DACH2: variants seen among roughly 807,000 people sequenced by gnomAD.
DACH2 encodes dachshund family transcription factor 2.
A neutral mutation model predicts 35.8 loss-of-function variants in DACH2; 17 were observed. That is an observed-to-expected ratio of 0.48 (90% CI 0.33 to 0.71). The LOEUF is 0.71. Among genes scored for constraint, DACH2 ranks in the 30% least tolerant of loss-of-function variants. The pLI is 0.02. For missense variants in DACH2, 469 were observed against 472.7 expected (o/e 0.99, Z 0.07); for synonymous variants, 195 against 177.3 (o/e 1.10, Z -0.79).
chrX:86,478,078 T>C (rs2037876262), intron 2 of DACH2, among the ~76,000 whole-genome samples: 1 of 112,022 alleles, frequency 8.9e-6, no homozygotes, highest in Admixed American at 9.5e-5. Flanking sequence ...GAAAAGTTTT[T>C]GTAGTTGTTA....
intron 1 of DACH2, among the ~76,000 whole-genome samples, chrX:86,159,093 C>T (rs759826186): frequency 2.3e-4 from 25 of 111,046 alleles, no homozygotes; most frequent in African/African-American, 3.3e-4. Context: ...ATGAGACACA[C>T]GTTTTTGTTA....
chrX:86,637,238 A>C, intron 3 of DACH2, among the ~76,000 whole-genome samples: 1 of 91,258 alleles, frequency 1.1e-5, no homozygotes, highest in African/African-American at 4.1e-5. Context: ...AAAAAAAAAA[A>C]AAAAAAAACA....
intron 1 of DACH2, among the ~76,000 whole-genome samples, chrX:86,194,746 G>T (rs1216806182): frequency 8.9e-6 from 1 of 112,604 alleles, no homozygotes; most frequent in Non-Finnish European, 1.9e-5. Context: ...TTTGGCGCAG[G>T]AGTGTCTGTA....
intron 1 of DACH2, among the ~76,000 whole-genome samples, chrX:86,253,384 T>C (rs1213347352): frequency 9.0e-6 from 1 of 111,718 alleles, no homozygotes; most frequent in Non-Finnish European, 1.9e-5. Flanking sequence ...GCATTTCCCG[T>C]TGACAATCTT....
intron 1 of DACH2, among the ~76,000 whole-genome samples, chrX:86,275,721 C>A (rs1397600654): frequency 8.9e-6 from 1 of 111,875 alleles, no homozygotes; most frequent in Non-Finnish European, 1.9e-5. Context: ...TTCCTGGCAT[C>A]TGGAAACCAT....
At chrX:86,245,209 G>A (rs1343768454) in intron 1 of DACH2, among the ~76,000 whole-genome samples, 1 of 111,455 alleles carries the variant, frequency 9.0e-6, no homozygotes, top group East Asian at 2.8e-4. Context: ...GTTCCTGCTG[G>A]CAGTAATGTA....
intron 1 of DACH2, among the ~76,000 whole-genome samples, chrX:86,217,129 G>A (rs1314043426): frequency 1.9e-5 from 2 of 108,062 alleles, no homozygotes; most frequent in East Asian, 2.9e-4. Flanking sequence ...AGAAACAGAA[G>A]TGTTATATAG....
chrX:86,281,535 G>A (rs188289374), intron 1 of DACH2, among the ~76,000 whole-genome samples: 49 of 111,637 alleles, frequency 4.4e-4, no homozygotes, highest in African/African-American at 1.4e-3. Context: ...CAAACCCACA[G>A]CCAGTATCGT....
intron 2 of DACH2, among the ~76,000 whole-genome samples, chrX:86,509,499 T>C (rs2038368385): frequency 8.9e-6 from 1 of 111,780 alleles, no homozygotes; most frequent in South Asian, 3.8e-4. Context: ...TTCAATCCAG[T>C]GCAATAGTTA....
At chrX:86,411,509 A>G (rs1380994678) in intron 2 of DACH2, among the ~76,000 whole-genome samples, 1 of 110,875 alleles carries the variant, frequency 9.0e-6, no homozygotes, top group African/African-American at 3.3e-5. Flanking sequence ...GACAATAATG[A>G]GGTCATAATT....
intron 7 of DACH2, among the ~76,000 whole-genome samples, chrX:86,745,233 A>G (rs1686624931): frequency 9.0e-6 from 1 of 111,587 alleles, no homozygotes; most frequent in Non-Finnish European, 1.9e-5. Flanking sequence ...AGTATATATT[A>G]TATTTTACCT....
chrX:86,205,951 G>A lies in DACH2; in HGVS notation c.488+56843G>A, dbSNP rs1016291729. On this transcript the variant is annotated intron_variant, in intron 1 of 11. Coordinates refer to ENST00000373125, the MANE Select transcript of DACH2 (RefSeq NM_053281.3). ...CCTACTCCAAATCAATAGCTTTCAT[G>A]TTTTACAAAGTACTTTGATACATAT... is the stretch of plus-strand genomic sequence containing the variant. Among the ~76,000 whole-genome samples, 3 of 111,515 alleles carry A rather than the reference G, an allele frequency of 2.7e-5. No homozygotes were observed. In the Admixed American group the frequency reaches 2.9e-4, roughly 11 times the overall value.
At chrX:86,231,648 C>T (rs889239967) in intron 1 of DACH2, among the ~76,000 whole-genome samples, 1 of 112,108 alleles carries the variant, frequency 8.9e-6, no homozygotes, top group Non-Finnish European at 1.9e-5. Context: ...TAAAAACTTG[C>T]CCGAGGCTTT....
At chrX:86,378,841 A>G in intron 2 of DACH2, among the ~76,000 whole-genome samples, 1 of 111,389 alleles carries the variant, frequency 9.0e-6, no homozygotes, top group East Asian at 2.8e-4. Context: ...GTGCTTACAA[A>G]TAATTATTCT....
At chrX:86,655,568 G>A (rs900167681) in intron 4 of DACH2, among the ~76,000 whole-genome samples, 1 of 111,693 alleles carries the variant, frequency 9.0e-6, no homozygotes, top group African/African-American at 3.3e-5. Flanking sequence ...AGGGATTAGA[G>A]TAATTCTTGA....
intron 1 of DACH2, among the ~76,000 whole-genome samples, chrX:86,328,343 G>T (rs1024779167): frequency 9.0e-6 from 1 of 111,161 alleles, no homozygotes; most frequent in African/African-American, 3.3e-5. Flanking sequence ...TCTCATTGGG[G>T]GAGTCATTCA....
At chrX:86,198,627 T>C (rs1289606230) in intron 1 of DACH2, among the ~76,000 whole-genome samples, 1 of 111,620 alleles carries the variant, frequency 9.0e-6, no homozygotes, top group Admixed American at 9.5e-5. Flanking sequence ...TCACATAATA[T>C]TATGAATACC....
intron 3 of DACH2, among the ~76,000 whole-genome samples, chrX:86,632,526 A>ACACT (rs2040213991): frequency 9.3e-6 from 1 of 107,085 alleles, no homozygotes; most frequent in African/African-American, 3.3e-5. Flanking sequence ...ACACACACAC[A>ACACT]CGGGTTATTT....
At chrX:86,167,632 T>C (rs1449809644) in intron 1 of DACH2, among the ~76,000 whole-genome samples, 1 of 111,422 alleles carries the variant, frequency 9.0e-6, no homozygotes, top group Admixed American at 9.6e-5. Flanking sequence ...AGGTGTAATG[T>C]TAGATAGTTT....
Sources: gnomAD v4.1 joint callset for allele counts (sites outside exome capture counted in the v4.1 genomes callset) on GRCh38, gnomAD v4.1.1 for gene constraint, MANE v1.5 for transcripts, NCBI Gene and HGNC (gene_info 2026-07-23, HGNC 2026-07-21) for gene names.